CADM2: variants seen among roughly 807,000 people sequenced by gnomAD.
CADM2 encodes the protein immunoglobulin superfamily member 4D.
A neutral mutation model predicts 49.8 loss-of-function variants in CADM2; 12 were observed. The observed-to-expected ratio is 0.24, with a 90% CI of 0.15 to 0.39. The LOEUF (loss-of-function observed/expected upper bound fraction) is 0.39. Ranked by LOEUF, CADM2 falls within the 10% of genes least tolerant of loss-of-function variation. CADM2 has a pLI of 1.00. For synonymous variants in CADM2, 214 were observed against 175.4 expected, an observed-to-expected ratio of 1.22 and a Z score of -1.74; for missense variants, 378 against 492.3, an observed-to-expected ratio of 0.77 and a Z score of 2.20.
chr3:85,669,816 C>T (rs529260257), intron 1 of CADM2, among the ~76,000 whole-genome samples: 14 of 152,034 alleles, frequency 9.2e-5, no homozygotes, highest in African/African-American at 3.4e-4. Flanking sequence ...TAACATGGGG[C>T]AAACAATGCA....
intron 7 of CADM2, among the ~76,000 whole-genome samples, chr3:85,947,415 C>T (rs1184565042): frequency 1.3e-5 from 2 of 150,868 alleles, no homozygotes; most frequent in African/African-American, 4.9e-5. Context: ...GTGTGTTGTA[C>T]TTTGTGTTCT....
chr3:85,590,859 A>C (rs2107341384), intron 1 of CADM2, among the ~76,000 whole-genome samples: 1 of 152,104 alleles, frequency 6.6e-6, no homozygotes, highest in South Asian at 2.1e-4. Flanking sequence ...GGATAATTTT[A>C]GGTTTTTAGG....
At chr3:85,233,017 G>A (rs538318714) in intron 1 of CADM2, among the ~76,000 whole-genome samples, 7 of 152,198 alleles carry the variant, frequency 4.6e-5, no homozygotes, top group Admixed American at 1.3e-4. Flanking sequence ...GAATGTATAA[G>A]CAAATGAGGT....
intron 1 of CADM2, among the ~76,000 whole-genome samples, chr3:85,373,363 C>A (rs2033389406): frequency 6.6e-6 from 1 of 152,160 alleles, no homozygotes; most frequent in African/African-American, 2.4e-5. Context: ...ATCCAGGTCA[C>A]ACTGATGCAA....
chr3:85,535,032 G>T lies in CADM2; in HGVS notation c.62-191490G>T, dbSNP rs900633760. On this transcript the variant is annotated intron_variant, in intron 1 of 9. Transcript: ENST00000383699. ...AATATTTACGTGCTCTTTTCTTCAT[G>T]TCTGTTTCATAATATGTGACAAATG... Among the ~76,000 whole-genome samples, 5 of 152,006 alleles carry T rather than the reference G, an allele frequency of 3.3e-5. No individual in the cohort carries two copies. In the East Asian group the frequency reaches 7.8e-4, roughly 24 times the overall value.
intron 2 of CADM2, among the ~76,000 whole-genome samples, chr3:85,770,073 G>C (rs1189111218): frequency 6.6e-6 from 1 of 152,082 alleles, no homozygotes; most frequent in Non-Finnish European, 1.5e-5. Flanking sequence ...CAGAAAACCT[G>C]ATTCCTCAGA....
chr3:85,270,311 C>A (rs745898967), intron 1 of CADM2, among the ~76,000 whole-genome samples: 10 of 151,256 alleles, frequency 6.6e-5, no homozygotes, highest in Non-Finnish European at 1.3e-4. Context: ...TTAGTTAATT[C>A]TCTAAGGTCT....
At chr3:85,174,020 A>C (rs948043845) in intron 1 of CADM2, among the ~76,000 whole-genome samples, 1 of 152,142 alleles carries the variant, frequency 6.6e-6, no homozygotes, top group Non-Finnish European at 1.5e-5. Context: ...CCACACACAT[A>C]CACACACCTT....
At chr3:85,921,227 AT>A (rs1559743517) in intron 6 of CADM2, among the ~76,000 whole-genome samples, 1 of 151,980 alleles carries the variant, frequency 6.6e-6, no homozygotes, top group African/African-American at 2.4e-5. Flanking sequence ...AGCTACAGGT[AT>A]TTTTGTATTA....
intron 1 of CADM2, among the ~76,000 whole-genome samples, chr3:85,449,541 T>C (rs1162381013): frequency 1.3e-5 from 2 of 148,740 alleles, no homozygotes; most frequent in African/African-American, 5.0e-5. Context: ...TGACGTAGTA[T>C]TTTCCTTGAA....
At chr3:86,047,353 CAT>C (rs1350847853) in intron 8 of CADM2, among the ~76,000 whole-genome samples, 1 of 152,102 alleles carries the variant, frequency 6.6e-6, no homozygotes, top group African/African-American at 2.4e-5. Context: ...CATCTCCCCA[CAT>C]GTTTGATCAA....
chr3:85,617,067 A>G (rs1189427569), intron 1 of CADM2, among the ~76,000 whole-genome samples: 1 of 152,120 alleles, frequency 6.6e-6, no homozygotes, highest in Non-Finnish European at 1.5e-5. Context: ...CTCCCCACCA[A>G]CAAACAAGCA....
At position 85,802,171 on chromosome 3, in the gene CADM2, G is replaced by A. The variant is rs761415057; in HGVS notation, c.213G>A (p.Gln71=). The A allele has an allele frequency of 6.2e-7, 1 of 1,612,046 alleles. No homozygotes were observed. Among genetic ancestry groups the A allele is most frequent in the South Asian group, 1.1e-5 (1 of 90,818 alleles). Residue 71 remains glutamine, a synonymous_variant, in exon 3 of 10, where the codon CAG becomes CAA. Coordinates refer to ENST00000383699, the MANE Select transcript of CADM2 (RefSeq NM_001167675.2). ...TSLQWSNPAQ[Q]TLYFDDKKAL... ...TCCAGTGGTCAAATCCAGCTCAACA[G>A]ACTCTGTACTTTGACGACAAGAAAG... is the stretch of plus-strand genomic sequence containing the variant.
At chr3:85,514,867 G>T (rs1417944246) in intron 1 of CADM2, among the ~76,000 whole-genome samples, 4 of 151,862 alleles carry the variant, frequency 2.6e-5, no homozygotes, top group Non-Finnish European at 5.9e-5. Flanking sequence ...AAGTTTTAGG[G>T]GGTTTCATCC....
chr3:85,870,326 T>C (rs2075878716), intron 3 of CADM2, among the ~76,000 whole-genome samples: 1 of 151,934 alleles, frequency 6.6e-6, no homozygotes, highest in South Asian at 2.1e-4. Context: ...GTCATGGAGA[T>C]TTGTTGTACT....
intron 3 of CADM2, among the ~76,000 whole-genome samples, chr3:85,827,052 T>C (rs910152221): frequency 6.6e-6 from 1 of 151,958 alleles, no homozygotes. Flanking sequence ...CCAAAATGGA[T>C]GGTCACATAT....
At chr3:85,794,581 G>A (rs908441042) in intron 2 of CADM2, among the ~76,000 whole-genome samples, 1 of 152,062 alleles carries the variant, frequency 6.6e-6, no homozygotes, top group African/African-American at 2.4e-5. Flanking sequence ...ATTCCCAACT[G>A]AAAGTTTTGT....
chr3:85,626,297 AACT>A lies in CADM2; in HGVS notation c.62-100224_62-100222del, dbSNP rs200487378. On this transcript the variant is annotated intron_variant, in intron 1 of 9. Transcript: ENST00000383699. ...TTAATATGAATATAGCTTATCTATC[AACT>A]TGTTCTTAGTCATCACTGAAGTCCC... Among the ~76,000 whole-genome samples, 1,238 of 152,124 alleles carry A rather than the reference AACT, an allele frequency of 8.1e-3. 12 individuals carry two copies. Among genetic ancestry groups the A allele is most frequent in the African/African-American group, 0.028 (1,163 of 41,546 alleles).
At chr3:85,646,138 C>T (rs2064876675) in intron 1 of CADM2, among the ~76,000 whole-genome samples, 1 of 151,984 alleles carries the variant, frequency 6.6e-6, no homozygotes, top group Non-Finnish European at 1.5e-5. Flanking sequence ...AACCTAAATA[C>T]TTATCCCTTT....
Sources: allele counts gnomAD v4.1 joint callset (sites outside exome capture counted in the v4.1 genomes callset), GRCh38; gene constraint gnomAD v4.1.1; transcripts MANE v1.5; gene names NCBI Gene and HGNC (gene_info 2026-07-23, HGNC 2026-07-21).